The following ATRN variants were observed in gnomAD, a reference collection of about 807,000 sequenced individuals.
The protein encoded by ATRN is attractin-2.
In ATRN, 54 loss-of-function variants were observed where a neutral mutation model predicts 178.7. The observed-to-expected ratio is 0.30, with a 90% CI of 0.24 to 0.38. The LOEUF is 0.38. Ranked by LOEUF, ATRN falls within the 10% of genes least tolerant of loss-of-function variation. ATRN has a pLI of 1.00. For synonymous variants in ATRN, 636 were observed against 663.0 expected (o/e 0.96, Z 0.63); for missense variants, 1,443 against 1,815.1 (o/e 0.79, Z 3.73).
intron 23 of ATRN, among the ~76,000 whole-genome samples, chr20:3,601,334 C>T (rs1469111818): frequency 6.6e-6 from 1 of 152,180 alleles, no homozygotes; most frequent in African/African-American, 2.4e-5. Flanking sequence ...CCCACCACCA[C>T]CATTTCTGTT....
intron 1 of ATRN, among the ~76,000 whole-genome samples, chr20:3,523,077 C>T (rs927415287): frequency 2.0e-5 from 3 of 151,906 alleles, no homozygotes; most frequent in Non-Finnish European, 2.9e-5. Flanking sequence ...GATGAATTAA[C>T]AGAAGTAGGC....
intron 25 of ATRN, among the ~76,000 whole-genome samples, chr20:3,627,293 AG>A (rs1185013698): frequency 2.6e-5 from 4 of 152,194 alleles, no homozygotes; most frequent in Non-Finnish European, 5.9e-5. Context: ...CAGAACCTCT[AG>A]GGGTGCACCC....
intron 24 of ATRN, among the ~76,000 whole-genome samples, chr20:3,611,060 T>A (rs2086756912): frequency 6.6e-6 from 1 of 152,168 alleles, no homozygotes; most frequent in South Asian, 2.1e-4. Context: ...CAGATCTAAA[T>A]GTAAAACATA....
intron 1 of ATRN, among the ~76,000 whole-genome samples, chr20:3,516,126 C>G (rs897332447): frequency 6.6e-6 from 1 of 152,132 alleles, no homozygotes; most frequent in Non-Finnish European, 1.5e-5. Flanking sequence ...AGCTAATTAT[C>G]AGCTAAAATT....
chr20:3,592,423 A>C (rs2086461042), intron 19 of ATRN: 1 of 983,244 alleles, frequency 1.0e-6, no homozygotes. Flanking sequence ...AAGAAAAAAA[A>C]AAAAGTCCTG....
At chr20:3,579,762 A>G (rs767526471) in intron 15 of ATRN, among the ~76,000 whole-genome samples, 33 of 152,224 alleles carry the variant, frequency 2.2e-4, no homozygotes, top group Non-Finnish European at 3.7e-4. Flanking sequence ...CAGCTGTGGT[A>G]CAGAAACGTT....
intron 1 of ATRN, among the ~76,000 whole-genome samples, chr20:3,492,736 G>A (rs1305179785): frequency 6.6e-6 from 1 of 151,632 alleles, no homozygotes; most frequent in African/African-American, 2.4e-5. Context: ...TAGTTGAATG[G>A]GAAGAGATAA....
At chr20:3,584,189 T>G (rs947785645) in intron 17 of ATRN, 106 bp downstream of exon 17, 8 of 1,251,188 alleles carry the variant, frequency 6.4e-6, no homozygotes, top group Middle Eastern at 2.8e-4. Context: ...GAAACAAGAC[T>G]GGACATGACC....
intron 18 of ATRN, 143 bp from the exon 19 acceptor site, chr20:3,591,026 C>T (rs534278381): frequency 1.6e-4 from 144 of 883,258 alleles, no homozygotes; most frequent in Admixed American, 2.6e-4. Context: ...TATCTTATTT[C>T]TCAAATTAGT....
chr20:3,512,264 C>G (rs1392961370), intron 1 of ATRN, among the ~76,000 whole-genome samples: 1 of 138,808 alleles, frequency 7.2e-6, no homozygotes, highest in Admixed American at 7.2e-5. Flanking sequence ...CCCCTCCCCC[C>G]ACGCCACAAC....
chr20:3,474,753 G>A (rs111407615), intron 1 of ATRN, among the ~76,000 whole-genome samples: 3,444 of 151,840 alleles, frequency 0.023, 67 homozygotes, highest in Non-Finnish European at 0.034. Flanking sequence ...TTTAGTCGAG[G>A]CCAAGCGCGG....
At chr20:3,594,049 G>T (rs1422052937) in intron 19 of ATRN, among the ~76,000 whole-genome samples, 1 of 152,162 alleles carries the variant, frequency 6.6e-6, no homozygotes, top group Non-Finnish European at 1.5e-5. Flanking sequence ...AGGCACCTCA[G>T]CCAAGACCAG....
chr20:3,508,575 A>G (rs978363993), intron 1 of ATRN, among the ~76,000 whole-genome samples: 33 of 152,258 alleles, frequency 2.2e-4, no homozygotes, highest in Admixed American at 1.6e-3. Flanking sequence ...AAAATGAAGA[A>G]CTAAAGATAT....
rs1475757706 is a variant in ATRN at position 3,583,084 on chromosome 20, TTGTC to T, written c.2764+733_2764+736del. The stretch of plus-strand genomic sequence containing the variant: ...TTGTGTCCAATTTTGGGAAAGTAAT[TTGTC>T]TGAGGAATTACAGAGGTATAGGAGA... On this transcript the variant is annotated intron_variant, in intron 16 of 28. Transcript: ENST00000262919. Among the ~76,000 whole-genome samples, 15 of 152,282 alleles carry T rather than the reference TTGTC, an allele frequency of 9.9e-5. 1 individual carries two copies. The highest frequency in any genetic ancestry group is 9.2e-4 in the Admixed American group (14 of 15,298).
intron 7 of ATRN, 90 bp from the exon 8 acceptor site, chr20:3,560,572 C>G (rs2085936993): frequency 8.7e-7 from 1 of 1,148,830 alleles, no homozygotes; most frequent in African/African-American, 1.6e-5. Flanking sequence ...CTTTTTTAAG[C>G]TGAGAATAAT....
At chr20:3,556,437 G>A (rs1405381013) in intron 6 of ATRN, among the ~76,000 whole-genome samples, 1 of 152,164 alleles carries the variant, frequency 6.6e-6, no homozygotes, top group Non-Finnish European at 1.5e-5. Context: ...GTCATGTCTA[G>A]TCTCCACAGA....
chr20:3,580,951 A>C (rs914386753), intron 15 of ATRN, among the ~76,000 whole-genome samples: 4 of 152,168 alleles, frequency 2.6e-5, no homozygotes, highest in Admixed American at 6.5e-5. Flanking sequence ...CCTCTCAAAA[A>C]TGGAAATAGG....
intron 11 of ATRN, among the ~76,000 whole-genome samples, chr20:3,569,163 A>G (rs534470702): frequency 6.6e-6 from 1 of 152,372 alleles, no homozygotes; most frequent in Non-Finnish European, 1.5e-5. Context: ...TATGGAATCT[A>G]CAATCTGCAG....
intron 1 of ATRN, among the ~76,000 whole-genome samples, chr20:3,519,338 T>C (rs2085255808): frequency 1.3e-5 from 2 of 151,964 alleles, no homozygotes; most frequent in Admixed American, 1.3e-4. Flanking sequence ...CATGTGAGAC[T>C]GGCTTTCCAA....
Sources: allele counts gnomAD v4.1 joint callset (sites outside exome capture counted in the v4.1 genomes callset), GRCh38; gene constraint gnomAD v4.1.1; transcripts MANE v1.5; gene names NCBI Gene and HGNC (gene_info 2026-07-23, HGNC 2026-07-21).